INPP4B: variants seen among roughly 807,000 people sequenced by gnomAD.
INPP4B encodes the protein inositol polyphosphate-4-phosphatase type II B.
A neutral mutation model predicts 122.5 loss-of-function variants in INPP4B; 55 were observed. That is an observed-to-expected ratio of 0.45 (90% CI 0.36 to 0.56). The LOEUF (loss-of-function observed/expected upper bound fraction) is 0.56. Among genes scored for constraint, INPP4B ranks in the 20% least tolerant of loss-of-function variants. INPP4B has a pLI of 0.00. For missense variants in INPP4B, 1,000 were observed against 1,097.7 expected, an observed-to-expected ratio of 0.91 and a Z score of 1.26; for synonymous variants, 403 against 388.7, an observed-to-expected ratio of 1.04 and a Z score of -0.43.
chr4:142,305,952 T>C (rs1022130441), intron 8 of INPP4B: 18 of 1,011,964 alleles, frequency 1.8e-5, no homozygotes, highest in Non-Finnish European at 2.1e-5. Flanking sequence ...TATGAGCAAA[T>C]CTGTTAGTTG....
At chr4:142,118,168 T>A (rs1001185097) in intron 21 of INPP4B, among the ~76,000 whole-genome samples, 1 of 152,088 alleles carries the variant, frequency 6.6e-6, no homozygotes, top group Non-Finnish European at 1.5e-5. Flanking sequence ...GGAAGAACAT[T>A]CCACGCTCAT....
intron 12 of INPP4B, among the ~76,000 whole-genome samples, chr4:142,211,799 C>A (rs1247119532): frequency 6.6e-6 from 1 of 152,188 alleles, no homozygotes; most frequent in Non-Finnish European, 1.5e-5. Context: ...TGTGTAGCCA[C>A]TGGAGAAACA....
At chr4:142,117,247 T>C (rs1794040623) in intron 21 of INPP4B, among the ~76,000 whole-genome samples, 1 of 152,156 alleles carries the variant, frequency 6.6e-6, no homozygotes, top group Non-Finnish European at 1.5e-5. Context: ...GAGAAGCTGG[T>C]ACCATTCCTT....
chr4:142,757,234 T>C (rs1045382696), intron 1 of INPP4B, among the ~76,000 whole-genome samples: 1 of 152,224 alleles, frequency 6.6e-6, no homozygotes, highest in African/African-American at 2.4e-5. Flanking sequence ...TCATTCTCTA[T>C]CCAACCACAT....
At chr4:142,659,523 C>T (rs562073052) in intron 2 of INPP4B, among the ~76,000 whole-genome samples, 1 of 152,258 alleles carries the variant, frequency 6.6e-6, no homozygotes, top group Non-Finnish European at 1.5e-5. Context: ...TTGAAACTAA[C>T]CCTGCTTGTT....
intron 11 of INPP4B, among the ~76,000 whole-genome samples, chr4:142,242,631 C>G (rs1051072616): frequency 6.6e-6 from 1 of 152,162 alleles, no homozygotes; most frequent in African/African-American, 2.4e-5. Flanking sequence ...TGCCAGTATG[C>G]CTCTGATCAA....
At chr4:142,157,005 T>A (rs2152892037) in intron 17 of INPP4B, among the ~76,000 whole-genome samples, 1 of 152,242 alleles carries the variant, frequency 6.6e-6, no homozygotes, top group East Asian at 1.9e-4. Flanking sequence ...ATTTAAGTGA[T>A]CAGGGAATAT....
intron 24 of INPP4B, 75 bp from the exon 25 acceptor site, chr4:142,082,260 C>T (rs1774313016): frequency 2.6e-6 from 3 of 1,158,238 alleles, no homozygotes; most frequent in Admixed American, 2.5e-5. Context: ...CCAAACACTT[C>T]TAGTCTAAAC....
intron 5 of INPP4B, among the ~76,000 whole-genome samples, chr4:142,418,482 T>C (rs987306671): frequency 6.6e-6 from 1 of 152,076 alleles, no homozygotes; most frequent in Non-Finnish European, 1.5e-5. Flanking sequence ...TAGTCTAGTA[T>C]GACAAGAAAT....
intron 2 of INPP4B, among the ~76,000 whole-genome samples, chr4:142,644,440 G>T (rs1042155134): frequency 6.6e-6 from 1 of 152,038 alleles, no homozygotes; most frequent in African/African-American, 2.4e-5. Flanking sequence ...TATATCAGGG[G>T]ATAATGGCTT....
intron 9 of INPP4B, among the ~76,000 whole-genome samples, chr4:142,275,907 G>C (rs754154161): frequency 6.6e-6 from 1 of 151,594 alleles, no homozygotes; most frequent in Non-Finnish European, 1.5e-5. Flanking sequence ...TTGATTTTCT[G>C]ATCTAGAACT....
intron 2 of INPP4B, among the ~76,000 whole-genome samples, chr4:142,673,984 T>C (rs367677756): frequency 4.6e-5 from 7 of 152,088 alleles, no homozygotes; most frequent in Non-Finnish European, 7.4e-5. Flanking sequence ...TGCATCCTTC[T>C]CTTGGCACAA....
intron 2 of INPP4B, among the ~76,000 whole-genome samples, chr4:142,577,317 C>T (rs1482959384): frequency 6.6e-6 from 1 of 151,990 alleles, no homozygotes; most frequent in African/African-American, 2.4e-5. Flanking sequence ...AGCCTACCAA[C>T]ATGAGATCAC....
At chr4:142,703,605 T>TA (rs1174117129) in intron 2 of INPP4B, among the ~76,000 whole-genome samples, 1 of 152,148 alleles carries the variant, frequency 6.6e-6, no homozygotes, top group Non-Finnish European at 1.5e-5. Flanking sequence ...GGTATATAAA[T>TA]AAAAAGCTTG....
chr4:142,030,067 G>T, intron 25 of INPP4B: 3 of 1,431,676 alleles, frequency 2.1e-6, no homozygotes, highest in Non-Finnish European at 2.8e-6. Context: ...TTACAGCATT[G>T]TCCCCATAAT....
At chr4:142,272,576 G>A (rs1345692990) in intron 9 of INPP4B, among the ~76,000 whole-genome samples, 1 of 151,980 alleles carries the variant, frequency 6.6e-6, no homozygotes, top group African/African-American at 2.4e-5. Context: ...GTAGGCAGGT[G>A]ACAGCATGAT....
At chr4:142,176,606 C>G (rs1167367802) in intron 15 of INPP4B, among the ~76,000 whole-genome samples, 2 of 152,104 alleles carry the variant, frequency 1.3e-5, no homozygotes, top group Non-Finnish European at 2.9e-5. Context: ...TATTCATGCC[C>G]TAGTTGAATG....
At chr4:142,604,208 A>G (rs1177147796) in intron 2 of INPP4B, among the ~76,000 whole-genome samples, 1 of 152,162 alleles carries the variant, frequency 6.6e-6, no homozygotes, top group African/African-American at 2.4e-5. Flanking sequence ...TCAACAAACT[A>G]GGTATAGATG....
intron 2 of INPP4B, among the ~76,000 whole-genome samples, chr4:142,631,023 C>T (rs1027319462): frequency 3.9e-5 from 6 of 152,038 alleles, no homozygotes; most frequent in Non-Finnish European, 4.4e-5. Flanking sequence ...CATGCTAGGA[C>T]TCAAATTATT....
Sources: gnomAD v4.1 joint callset for allele counts (sites outside exome capture counted in the v4.1 genomes callset) on GRCh38, gnomAD v4.1.1 for gene constraint, MANE v1.5 for transcripts, NCBI Gene and HGNC (gene_info 2026-07-23, HGNC 2026-07-21) for gene names.